Variants in TMTC4 observed in about 807,000 individuals in gnomAD.
TMTC4 encodes the protein protein O-mannosyl-transferase TMTC4.
TMTC4 carries 65 observed loss-of-function variants against 86.0 expected under a neutral mutation model. The ratio of observed to expected loss-of-function variants is 0.76; its 90% CI spans 0.62 to 0.93. The LOEUF (loss-of-function observed/expected upper bound fraction) is 0.93. TMTC4 is among the 40% of genes least tolerant of loss of function. The pLI, the probability that TMTC4 is intolerant of heterozygous loss-of-function variation, is 0.00. For synonymous variants in TMTC4, 379 were observed against 382.5 expected, an observed-to-expected ratio of 0.99 and a Z score of 0.11; for missense variants, 866 against 948.1, an observed-to-expected ratio of 0.91 and a Z score of 1.14.
intron 1 of TMTC4, among the ~76,000 whole-genome samples, chr13:100,671,189 G>A (rs2139076839): frequency 6.6e-6 from 1 of 152,236 alleles, no homozygotes; most frequent in Admixed American, 6.5e-5. Context: ...TTTGGAGATG[G>A]CGTCTTGCTA....
chr13:100,618,454 GT>G (rs1170750860), intron 15 of TMTC4, among the ~76,000 whole-genome samples: 66 of 129,764 alleles, frequency 5.1e-4, no homozygotes, highest in African/African-American at 1.8e-3. Context: ...GTTGCTTCTT[GT>G]TTTTTTTTTT....
At chr13:100,642,059 A>G in intron 7 of TMTC4, 152 bp downstream of exon 7, 1 of 665,838 alleles carries the variant, frequency 1.5e-6, no homozygotes, top group South Asian at 2.5e-5. Flanking sequence ...GTGACAGCGA[A>G]AGCCATTTGT....
At chr13:100,674,850 A>ACCCGACCCCCCCCGCCGCGCC, upstream of TMTC4, 1 of 969,358 alleles carries the variant, frequency 1.0e-6, no homozygotes, top group Non-Finnish European at 1.2e-6. Context: ...CCCGCCGCGC[A>ACCCGACCCCCCCCGCCGCGCC]CCCGACCCCC....
intron 15 of TMTC4, chr13:100,615,033 T>C (rs890699696): frequency 2.4e-5 from 19 of 795,186 alleles, no homozygotes; most frequent in African/African-American, 1.3e-4. Flanking sequence ...AAGTCTCCTA[T>C]GGTAAGGTAA....
chr13:100,650,068 C>T (rs1884238168), intron 6 of TMTC4, among the ~76,000 whole-genome samples: 1 of 151,392 alleles, frequency 6.6e-6, no homozygotes, highest in Admixed American at 6.6e-5. Context: ...TACCAATGAC[C>T]CAGGAGAGGA....
At chr13:100,626,303 G>C (rs1321896563) in intron 12 of TMTC4, among the ~76,000 whole-genome samples, 153 bp from the exon 13 acceptor site, 2 of 152,312 alleles carry the variant, frequency 1.3e-5, no homozygotes, top group East Asian at 3.9e-4. Flanking sequence ...GGGGTTAGGA[G>C]TTGCTTGTGC....
chr13:100,612,330 G>A (rs1052339652), intron 17 of TMTC4, 68 bp downstream of exon 17: 11 of 1,240,294 alleles, frequency 8.9e-6, no homozygotes, highest in Non-Finnish European at 1.2e-5. Flanking sequence ...CTGGGCAGAA[G>A]TAACACTTAC....
At chr13:100,637,435 T>A (rs1280690513) in intron 9 of TMTC4, 103 bp downstream of exon 9, 1 of 1,438,120 alleles carries the variant, frequency 7.0e-7, no homozygotes, top group East Asian at 2.3e-5. Flanking sequence ...GTATTGGGGA[T>A]TTTGTTGGCG....
rs991914806 is a variant in TMTC4, at chr13:100,636,424, G to A, written c.1202+108C>T. 6.5e-5 allele frequency: 85 copies of A among 1,300,952 alleles called. 1 individual carries two copies. The highest frequency in any genetic ancestry group is 8.7e-5 in the Non-Finnish European group (81 of 928,728). 80.6% of individuals were successfully genotyped at this position (1,300,952 alleles called of 1,614,324 possible). ...CCATAAATATGCATTTGAAACAAAT[G>A]TCCTTAGACGTGACTTCCACAAAAT... On this transcript the variant is annotated intron_variant, in intron 10 of 18. Transcript: ENST00000342624.
At chr13:100,627,417 G>C (rs530581999) in intron 12 of TMTC4, among the ~76,000 whole-genome samples, 1 of 152,264 alleles carries the variant, frequency 6.6e-6, no homozygotes, top group South Asian at 2.1e-4. Flanking sequence ...TCACGGTGTG[G>C]GCAGGGCTGG....
chr13:100,657,237 G>T (rs537447210), intron 5 of TMTC4, among the ~76,000 whole-genome samples: 1 of 152,238 alleles, frequency 6.6e-6, no homozygotes, highest in Non-Finnish European at 1.5e-5. Context: ...TGTGAGAGAA[G>T]TGTGAAAAGC....
chr13:100,657,911 G>A (rs978748214), intron 5 of TMTC4, among the ~76,000 whole-genome samples: 2 of 152,152 alleles, frequency 1.3e-5, no homozygotes, highest in African/African-American at 4.8e-5. Flanking sequence ...CTGATGGTTG[G>A]TACGTGGCAG....
intron 4 of TMTC4, among the ~76,000 whole-genome samples, chr13:100,663,616 C>T (rs1886062723): frequency 6.6e-6 from 1 of 152,178 alleles, no homozygotes; most frequent in African/African-American, 2.4e-5. Flanking sequence ...AGTATGCCCA[C>T]CAGCCTTCCC....
Position 100,637,998 on chromosome 13 carries a change from A to C in TMTC4, c.766T>G (p.Leu256Val), listed in dbSNP as rs1258216979. Reference protein sequence around the residue: ...VLGLNAVFDILVIGKFNVLEI... With the variant: ...VLGLNAVFDIVVIGKFNVLEI... ...AGAACATTGAATTTGCCTATCACCA[A>C]GATGTCAAATACCGCATTTAAACCC... The change falls in exon 8 of 19, where the codon TTG becomes GTG. Residue 256 changes from leucine to valine, a missense_variant. Leu to Val is a conservative substitution (Grantham distance 32). Transcript: ENST00000342624. 1 of 1,614,062 alleles carries C rather than the reference A, an allele frequency of 6.2e-7. No individual in the cohort carries two copies. Among genetic ancestry groups the C allele is most frequent in the Admixed American group, 1.7e-5 (1 of 60,022 alleles).
chr13:100,636,554 A>G lies in TMTC4; in HGVS notation c.1180T>C (p.Ser394Pro). The change falls in exon 10 of 19, where the codon TCT (serine) becomes CCT (proline). Residue 394 changes from serine (S) to proline (P), a missense_variant. Transcript: ENST00000342624. ...TACCTTCTCTTGTGGCCGTCTTCAG[A>G]GCACAGGGCTTGGCATATCAGGCCA... ...LIGLICQALCSEDGHKRRILT... is the reference protein window; with the variant it reads ...LIGLICQALCPEDGHKRRILT... The G allele has an allele frequency of 6.2e-7, 1 of 1,614,248 alleles. No individual in the cohort carries two copies. Among genetic ancestry groups the G allele is most frequent in the Non-Finnish European group, 8.5e-7 (1 of 1,180,048 alleles).
rs115485301 is a variant in TMTC4 at position 100,669,814 on chromosome 13, T to C, written c.3+546A>G. On this transcript the variant is annotated intron_variant, in intron 2 of 18. Coordinates refer to ENST00000342624, the MANE Select transcript of TMTC4 (RefSeq NM_032813.5). The stretch of plus-strand genomic sequence containing the variant: ...TTCCCACCACATCCTGGACAGGTGC[T>C]TTCTTTGGATTTACCAGGATCAGGT... Among the ~76,000 whole-genome samples, 425 of 152,292 alleles carry C rather than the reference T, an allele frequency of 2.8e-3. 3 individuals carry two copies. Among genetic ancestry groups the C allele is most frequent in the African/African-American group, 9.8e-3 (409 of 41,572 alleles).
intron 16 of TMTC4, among the ~76,000 whole-genome samples, chr13:100,613,882 C>T (rs1878047361): frequency 7.0e-6 from 1 of 142,218 alleles, no homozygotes; most frequent in Non-Finnish European, 1.5e-5. Flanking sequence ...TCTTGTTGCC[C>T]AGGCTGGAGT....
intron 5 of TMTC4, among the ~76,000 whole-genome samples, chr13:100,661,891 G>A (rs1487705107): frequency 1.3e-5 from 2 of 152,186 alleles, no homozygotes; most frequent in Non-Finnish European, 2.9e-5. Flanking sequence ...AAGTAATAAA[G>A]TGTATGTGAT....
At chr13:100,627,482 T>C (rs1880734242) in intron 12 of TMTC4, among the ~76,000 whole-genome samples, 1 of 152,092 alleles carries the variant, frequency 6.6e-6, no homozygotes, top group African/African-American at 2.4e-5. Flanking sequence ...TGTCTCACGG[T>C]GCTTGCCCAT....
Sources: gnomAD v4.1 joint callset for allele counts (sites outside exome capture counted in the v4.1 genomes callset) on GRCh38, gnomAD v4.1.1 for gene constraint, MANE v1.5 for transcripts, NCBI Gene and HGNC (gene_info 2026-07-23, HGNC 2026-07-21) for gene names.